TXLNG: variants seen among roughly 807,000 people sequenced by gnomAD.
TXLNG encodes the protein gamma-taxilin.
TXLNG carries 5 observed loss-of-function variants against 38.8 expected under a neutral mutation model. That is an observed-to-expected ratio of 0.13 (90% CI 0.07 to 0.27). TXLNG has a LOEUF of 0.27. Among genes scored for constraint, TXLNG ranks in the 10% least tolerant of loss-of-function variants. The pLI, the probability that TXLNG is intolerant of heterozygous loss-of-function variation, is 1.00. For synonymous variants in TXLNG, 182 were observed against 158.2 expected, an observed-to-expected ratio of 1.15 and a Z score of -1.13; for missense variants, 393 against 398.2, an observed-to-expected ratio of 0.99 and a Z score of 0.11.
Position 16,839,871 on chromosome X carries a change from C to T in TXLNG, c.1203C>T (p.Thr401=). ...KLEKETIIWR[T]KWENNNKALL... ...AAAAAGAAACAATAATTTGGCGTAC[C>T]AAATGGGAAAACAATAATAAAGCAC... is the stretch of plus-strand genomic sequence containing the variant. Residue 401 remains threonine, a synonymous_variant, in exon 9 of 10, where the codon ACC becomes ACT. Coordinates refer to ENST00000380122, the MANE Select transcript of TXLNG (RefSeq NM_018360.3). 1 of 1,202,670 alleles carries T rather than the reference C, an allele frequency of 8.3e-7. No individual in the cohort carries two copies. The highest frequency in any genetic ancestry group is 1.1e-6 in the Non-Finnish European group (1 of 891,036).
Position 16,820,119 on chromosome X carries a change from G to C in TXLNG, c.407-45G>C, listed in dbSNP as rs781289170. 15 of 1,035,760 alleles carry C rather than the reference G, an allele frequency of 1.4e-5. No individual in the cohort carries two copies. The South Asian group carries it at 3.1e-4, about 21-fold the overall frequency. 85.4% of individuals were successfully genotyped at this position (1,035,760 alleles called of 1,213,427 possible). On this transcript the variant is annotated intron_variant, in intron 2 of 9. Transcript: ENST00000380122. ...TTAGTAGAATTTACAGGTTAGATTT[G>C]ATCTCATTCTTCTGGGACTTATTTC...
chrX:16,823,413 G>A (rs1298644763), intron 3 of TXLNG, among the ~76,000 whole-genome samples: 3 of 94,889 alleles, frequency 3.2e-5, no homozygotes, highest in African/African-American at 8.1e-5. Flanking sequence ...AGCCGAGATC[G>A]TGCCATTACA....
chrX:16,832,236 A>G (rs1378380867), intron 5 of TXLNG, among the ~76,000 whole-genome samples: 1 of 112,232 alleles, frequency 8.9e-6, no homozygotes, highest in African/African-American at 3.2e-5. Flanking sequence ...GGAGGGAAAA[A>G]AGGAACTGTG....
At chrX:16,806,640 G>A (rs972522511) in intron 1 of TXLNG, among the ~76,000 whole-genome samples, 4 of 110,200 alleles carry the variant, frequency 3.6e-5, no homozygotes, top group African/African-American at 6.6e-5. Context: ...AAAATTGGCC[G>A]GGCGCGGTGG....
Position 16,827,148 on chromosome X carries a change from G to A in TXLNG, c.499-946G>A, listed in dbSNP as rs183831473. On this transcript the variant is annotated intron_variant, in intron 3 of 9. Transcript: ENST00000380122. ...GGAGGCTGAGGCAGGAGAATCGCTTGAACCCGGGAGGTGGAGGCTGCAGTG... is the reference window on the plus strand; with the variant it reads ...GGAGGCTGAGGCAGGAGAATCGCTTAAACCCGGGAGGTGGAGGCTGCAGTG... Among the ~76,000 whole-genome samples the A allele has an allele frequency of 4.0e-3, 446 of 111,127 alleles. 1 individual carries two copies. The highest frequency in any genetic ancestry group is 8.7e-3 in the Admixed American group (91 of 10,412).
At chrX:16,802,812 T>G (rs768574381) in intron 1 of TXLNG, among the ~76,000 whole-genome samples, 29 of 91,992 alleles carry the variant, frequency 3.2e-4, no homozygotes, top group South Asian at 3.0e-3. Context: ...CAAGATGCTT[T>G]CTTTCTTTCT....
chrX:16,831,654 T>G (rs1453746803), intron 5 of TXLNG, among the ~76,000 whole-genome samples: 1 of 112,522 alleles, frequency 8.9e-6, no homozygotes, highest in Non-Finnish European at 1.9e-5. Context: ...AAATGATTCT[T>G]TTAGTTTTGT....
At chrX:16,812,298 C>T (rs1306924681) in intron 1 of TXLNG, among the ~76,000 whole-genome samples, 5 of 109,384 alleles carry the variant, frequency 4.6e-5, no homozygotes, top group African/African-American at 6.7e-5. Flanking sequence ...TATGAGCCAC[C>T]GTGCCTGGCC....
rs146433459 is a variant in TXLNG, at chrX:16,823,600, C to T, written c.498+3345C>T. 7.2e-3 allele frequency among the ~76,000 whole-genome samples: 797 copies of T among 110,434 alleles called. 5 individuals are homozygous for T. The highest frequency in any genetic ancestry group is 0.025 in the African/African-American group (751 of 30,372). Reference sequence around the variant, plus strand: ...TCTTCTGCCCGTTTATGACATATATCGTCTGATGTCATTGTGCTTGTTGCA... The same window carrying T: ...TCTTCTGCCCGTTTATGACATATATTGTCTGATGTCATTGTGCTTGTTGCA... On this transcript the variant is annotated intron_variant, in intron 3 of 9. Transcript: ENST00000380122.
intron 1 of TXLNG, among the ~76,000 whole-genome samples, chrX:16,791,660 A>G (rs866762379): frequency 9.0e-6 from 1 of 111,645 alleles, no homozygotes; most frequent in Non-Finnish European, 1.9e-5. Flanking sequence ...ATCTCAGCTC[A>G]CTGCAACCTC....
intron 1 of TXLNG, among the ~76,000 whole-genome samples, chrX:16,801,435 C>T (rs191130188): frequency 8.8e-4 from 99 of 112,238 alleles, no homozygotes; most frequent in African/African-American, 3.1e-3. Context: ...ATCCGCCCGC[C>T]TCGGCCTCCC....
chrX:16,799,484 G>T (rs1355458622), intron 1 of TXLNG, among the ~76,000 whole-genome samples: 1 of 111,897 alleles, frequency 8.9e-6, no homozygotes, highest in African/African-American at 3.3e-5. Flanking sequence ...TAAAATGTCA[G>T]GCATTAGGCC....
At chrX:16,808,015 T>C (rs1180742143) in intron 1 of TXLNG, among the ~76,000 whole-genome samples, 1 of 112,414 alleles carries the variant, frequency 8.9e-6, no homozygotes, top group Non-Finnish European at 1.9e-5. Context: ...CAAAAATTTC[T>C]ATGATAGTTG....
At chrX:16,832,858 G>A (rs922456949) in intron 6 of TXLNG, 116 bp downstream of exon 6, 9 of 942,361 alleles carry the variant, frequency 9.6e-6, no homozygotes, top group African/African-American at 4.0e-5. Flanking sequence ...TACCTTTAAT[G>A]TAGCACCTGG....
At chrX:16,838,761 G>A (rs769497130) in intron 8 of TXLNG, among the ~76,000 whole-genome samples, 1 of 112,073 alleles carries the variant, frequency 8.9e-6, no homozygotes, top group East Asian at 2.8e-4. Flanking sequence ...CTGGACGCCA[G>A]CACAGACTCA....
intron 5 of TXLNG, 126 bp from the exon 6 acceptor site, chrX:16,832,497 G>A (rs769145230): frequency 1.7e-4 from 159 of 911,021 alleles, no homozygotes; most frequent in Non-Finnish European, 2.4e-4. Flanking sequence ...GAGAGCTGGT[G>A]TTCTTAGCTG....
intron 1 of TXLNG, among the ~76,000 whole-genome samples, chrX:16,806,917 A>G (rs1363082868): frequency 1.1e-5 from 1 of 89,398 alleles, no homozygotes; most frequent in African/African-American, 4.3e-5. Flanking sequence ...ACTCTGTCTC[A>G]AAAAAAAAAA....
intron 4 of TXLNG, 59 bp downstream of exon 4, chrX:16,828,323 C>T: frequency 9.5e-7 from 1 of 1,047,290 alleles, no homozygotes; most frequent in South Asian, 2.6e-5. Flanking sequence ...TCATAATCAA[C>T]CCTGTGCCTA....
chrX:16,822,216 A>C (rs866905468), intron 3 of TXLNG, among the ~76,000 whole-genome samples: 12 of 96,231 alleles, frequency 1.2e-4, no homozygotes, highest in African/African-American at 2.7e-4. Flanking sequence ...TGGCGGGTGC[A>C]TGTAGTCCCA....
Sources: allele counts gnomAD v4.1 joint callset (sites outside exome capture counted in the v4.1 genomes callset), GRCh38; gene constraint gnomAD v4.1.1; transcripts MANE v1.5; gene names NCBI Gene and HGNC (gene_info 2026-07-23, HGNC 2026-07-21).